TMEM62: variants seen among roughly 807,000 people sequenced by gnomAD.
The protein encoded by TMEM62 is transmembrane protein 62.
Under a neutral mutation model 70.4 loss-of-function variants are expected in TMEM62, and 41 were observed. The ratio of observed to expected loss-of-function variants is 0.58; its 90% confidence interval spans 0.45 to 0.76. TMEM62 has a LOEUF of 0.76. Among genes scored for constraint, TMEM62 ranks in the 30% least tolerant of loss-of-function variants. The probability of loss-of-function intolerance (pLI) is 0.00; values close to 1 mark genes in which losing one functional copy is unlikely to be tolerated. For missense variants in TMEM62, 688 were observed against 788.5 expected, an observed-to-expected ratio of 0.87 and a Z score of 1.53; for synonymous variants, 268 against 291.0, an observed-to-expected ratio of 0.92 and a Z score of 0.80.
At chr15:43,159,886 A>G (rs1442092601) in intron 9 of TMEM62, among the ~76,000 whole-genome samples, 1 of 152,196 alleles carries the variant, frequency 6.6e-6, no homozygotes, top group African/African-American at 2.4e-5. Flanking sequence ...GAACAGAGGG[A>G]AATAAAAAAA....
chr15:43,156,394 GT>G (rs2038050859), intron 9 of TMEM62, among the ~76,000 whole-genome samples: 1 of 152,180 alleles, frequency 6.6e-6, no homozygotes, highest in South Asian at 2.1e-4. Flanking sequence ...AATGTTCTGT[GT>G]AGAAGGAAGA....
Position 43,133,750 on chromosome 15 carries a change from CCGCGCGGTCCT to C in TMEM62, c.-52_-42del, listed in dbSNP as rs1333879292. 1 of 1,253,968 alleles carries C rather than the reference CCGCGCGGTCCT, an allele frequency of 8.0e-7. No homozygotes were observed. Among genetic ancestry groups the C allele is most frequent in the East Asian group, 3.2e-5 (1 of 31,190 alleles). The allele number at this position is 1,253,968 out of a possible 1,614,324, so 77.7% of individuals were successfully genotyped here. ...GCAGGCAAAGCGGCTCCCGGGAGCG[CCGCGCGGTCCT>C]GCGCGGGATCAGCGAGGGCCGCGCC... On this transcript the variant is annotated 5_prime_UTR_variant, in exon 1 of 14. Coordinates refer to ENST00000260403, the MANE Select transcript of TMEM62 (RefSeq NM_024956.4).
chr15:43,179,650 A>T (rs929385589), intron 12 of TMEM62: 19 of 152,204 alleles, frequency 1.2e-4, no homozygotes, highest in Admixed American at 1.2e-3. Flanking sequence ...ATCACCATAA[A>T]TCTTTTAGGC....
chr15:43,181,344 G>C (rs1455476701), intron 13 of TMEM62, 45 bp downstream of exon 13: 1 of 1,213,536 alleles, frequency 8.2e-7, no homozygotes. Context: ...GGACTTGTCA[G>C]ACTAATTGCA....
At chr15:43,167,291 G>T (rs1283691348) in intron 10 of TMEM62, among the ~76,000 whole-genome samples, 1 of 151,528 alleles carries the variant, frequency 6.6e-6, no homozygotes, top group South Asian at 2.1e-4. Context: ...CCCGGACGGG[G>T]TGGCTGCCGG....
chr15:43,149,780 T>G (rs1447484660), intron 7 of TMEM62, among the ~76,000 whole-genome samples: 1 of 152,172 alleles, frequency 6.6e-6, no homozygotes, highest in Non-Finnish European at 1.5e-5. Flanking sequence ...TGAGAAATAC[T>G]AGGACTAGAA....
intron 10 of TMEM62, chr15:43,169,119 T>G (rs1439539288): frequency 6.4e-6 from 1 of 155,504 alleles, no homozygotes; most frequent in South Asian, 2.0e-4. Flanking sequence ...CTACGCTTTT[T>G]AGTGCCTCTT....
Position 43,184,989 on chromosome 15 carries a change from A to G in TMEM62, c.*403A>G. The stretch of plus-strand genomic sequence containing the variant: ...CAGCAGCTGTCAAAGGTGCAATTTC[A>G]GGGGCAGGGAACCTTTGAGGATCTG... On this transcript the variant is annotated 3_prime_UTR_variant, in exon 14 of 14. Coordinates refer to ENST00000260403, the MANE Select transcript of TMEM62 (RefSeq NM_024956.4). 4.0e-6 allele frequency: 1 copy of G among 250,998 alleles called. No individual in the cohort carries two copies. Among genetic ancestry groups the G allele is most frequent in the Non-Finnish European group, 7.8e-6 (1 of 128,798 alleles). 15.5% of individuals were successfully genotyped at this position (250,998 alleles called of 1,614,324 possible).
chr15:43,167,669 A>G (rs1390141979), intron 10 of TMEM62, among the ~76,000 whole-genome samples: 4 of 148,882 alleles, frequency 2.7e-5, no homozygotes, highest in Non-Finnish European at 4.5e-5. Context: ...GGCTCCTCAC[A>G]TCCCAGACGA....
Position 43,160,676 on chromosome 15 carries a change from A to G in TMEM62, c.1183-5A>G, listed in dbSNP as rs2038594920. The G allele has an allele frequency of 3.9e-6, 6 of 1,535,914 alleles. No homozygotes were observed. The East Asian group carries it at 1.4e-4, about 35-fold the overall frequency. On this transcript the variant is annotated splice_polypyrimidine_tract_variant and splice_region_variant and intron_variant, in intron 9 of 13. Transcript: ENST00000260403. ...AAGTTACTTTTCTTCTGTGGTTATT[A>G]CTAGGATTCTGCTGGAAGAAGTAAG...
chr15:43,140,824 A>G (rs905852996), intron 4 of TMEM62, among the ~76,000 whole-genome samples: 1 of 152,240 alleles, frequency 6.6e-6, no homozygotes, highest in African/African-American at 2.4e-5. Context: ...CCAGAAGCAT[A>G]GCAACATTGA....
chr15:43,174,324 G>A (rs2040515443), intron 11 of TMEM62, among the ~76,000 whole-genome samples: 1 of 152,206 alleles, frequency 6.6e-6, no homozygotes, highest in Non-Finnish European at 1.5e-5. Context: ...TGATAGAGAA[G>A]GGGAGTATTG....
chr15:43,169,687 G>A lies in TMEM62; in HGVS notation c.1381+10G>A, dbSNP rs997156392. On this transcript the variant is annotated intron_variant, in intron 11 of 13. Coordinates refer to ENST00000260403, the MANE Select transcript of TMEM62 (RefSeq NM_024956.4). ...TACCCAGAGCTTAAAGGTTAGTTAT[G>A]GTTCCTTTTATTCCTATAAGCCTTG... 18 of 1,608,036 alleles carry A rather than the reference G, an allele frequency of 1.1e-5. No homozygotes were observed. The highest frequency in any genetic ancestry group is 1.4e-5 in the Non-Finnish European group (17 of 1,175,510).
At chr15:43,175,433 G>A (rs1340835074) in intron 11 of TMEM62, among the ~76,000 whole-genome samples, 3 of 152,186 alleles carry the variant, frequency 2.0e-5, no homozygotes, top group African/African-American at 7.2e-5. Context: ...GTGTTGCTCA[G>A]TGTATACTGA....
chr15:43,175,063 TA>T (rs889792360), intron 11 of TMEM62, among the ~76,000 whole-genome samples: 1 of 152,214 alleles, frequency 6.6e-6, no homozygotes, highest in African/African-American at 2.4e-5. Flanking sequence ...GAGTATTTTC[TA>T]AAAGTTCCCC....
rs1247749430 is a variant in TMEM62, at chr15:43,169,821, T to C, written c.1381+144T>C. 18 of 642,916 alleles carry C rather than the reference T, an allele frequency of 2.8e-5. No homozygotes were observed. The Admixed American group carries it at 2.9e-4, about 11-fold the overall frequency. The allele number at this position is 642,916 out of a possible 1,614,324, so 39.8% of individuals were successfully genotyped here. On this transcript the variant is annotated intron_variant, in intron 11 of 13. Transcript: ENST00000260403. The stretch of plus-strand genomic sequence containing the variant: ...ACAAACTCAAGAAGCCTTGAGTAAA[T>C]GGTCCTGAGGCAGTTGGATTACAGT...
chr15:43,181,933 G>C (rs1031126835), intron 13 of TMEM62, among the ~76,000 whole-genome samples: 2 of 152,144 alleles, frequency 1.3e-5, no homozygotes, highest in Non-Finnish European at 2.9e-5. Flanking sequence ...AGATTTCTGA[G>C]TAAACCAAAA....
intron 5 of TMEM62, among the ~76,000 whole-genome samples, chr15:43,147,609 G>GA (rs1171772334): frequency 6.6e-6 from 1 of 152,178 alleles, no homozygotes; most frequent in Admixed American, 6.5e-5. Context: ...AGAGTTATAC[G>GA]AGAGTTCGAA....
chr15:43,177,226 T>C (rs1006431747), intron 11 of TMEM62, among the ~76,000 whole-genome samples: 5 of 152,048 alleles, frequency 3.3e-5, no homozygotes, highest in Non-Finnish European at 7.4e-5. Flanking sequence ...AAGACACTTA[T>C]GCAGCCAAAA....
Sources: gnomAD v4.1 joint callset for allele counts (sites outside exome capture counted in the v4.1 genomes callset) on GRCh38, gnomAD v4.1.1 for gene constraint, MANE v1.5 for transcripts, NCBI Gene and HGNC (gene_info 2026-07-23, HGNC 2026-07-21) for gene names.